Variants in ADGRG7 observed in about 807,000 individuals in gnomAD.
The protein encoded by ADGRG7 is adhesion G protein-coupled receptor G7, also known as G-protein coupled receptor 128.
A neutral mutation model predicts 88.6 loss-of-function variants in ADGRG7; 82 were observed. The observed-to-expected ratio is 0.93, with a 90% CI of 0.77 to 1.11. ADGRG7 has a LOEUF of 1.11. Ranked by LOEUF, ADGRG7 falls within the 50% of genes most tolerant of loss-of-function variation. The pLI, the probability that ADGRG7 is intolerant of heterozygous loss-of-function variation, is 0.00. For synonymous variants in ADGRG7, 381 were observed against 345.2 expected, an observed-to-expected ratio of 1.10 and a Z score of -1.15; for missense variants, 945 against 953.4, an observed-to-expected ratio of 0.99 and a Z score of 0.12.
chr3:100,633,464 A>G (rs766964340), intron 4 of ADGRG7, 87 bp downstream of exon 4: 26 of 567,170 alleles, frequency 4.6e-5, no homozygotes, highest in African/African-American at 9.7e-5. Context: ...TGGTCAAATC[A>G]ATTCTTTTAA....
intron 15 of ADGRG7, among the ~76,000 whole-genome samples, chr3:100,689,680 T>C (rs1317604194): frequency 2.0e-5 from 3 of 152,232 alleles, no homozygotes; most frequent in Non-Finnish European, 4.4e-5. Context: ...AATTCTTTTC[T>C]TTAAGAATGT....
At chr3:100,658,009 T>C (rs2094939942) in intron 13 of ADGRG7, among the ~76,000 whole-genome samples, 1 of 152,186 alleles carries the variant, frequency 6.6e-6, no homozygotes, top group African/African-American at 2.4e-5. Context: ...ATATGTGCCA[T>C]AGCTTCTCAC....
At chr3:100,617,494 T>A (rs1707242330) in intron 1 of ADGRG7, among the ~76,000 whole-genome samples, 1 of 151,966 alleles carries the variant, frequency 6.6e-6, no homozygotes, top group Non-Finnish European at 1.5e-5. Flanking sequence ...CTTGCGATAG[T>A]TTGCTGAGTA....
chr3:100,665,587 A>T (rs1360520943), intron 14 of ADGRG7: 1 of 365,286 alleles, frequency 2.7e-6, no homozygotes, highest in Non-Finnish European at 5.3e-6. Flanking sequence ...TTCTTCCTAT[A>T]TGAACGGTAG....
chr3:100,669,116 G>A lies in ADGRG7; in HGVS notation c.2136+11G>A, dbSNP rs534594530. The A allele has an allele frequency of 6.6e-7, 1 of 1,523,282 alleles. No homozygotes were observed. Among genetic ancestry groups the A allele is most frequent in the Non-Finnish European group, 8.8e-7 (1 of 1,135,368 alleles). The allele number at this position is 1,523,282 out of a possible 1,614,324, so 94.4% of individuals were successfully genotyped here. A position where few individuals can be genotyped will look rare whatever the true frequency, so the allele number is the denominator to read the frequency against. On this transcript the variant is annotated intron_variant, in intron 15 of 15. Coordinates refer to ENST00000273352, the MANE Select transcript of ADGRG7 (RefSeq NM_032787.3). ...TTCAACACTACACAGGTATGGTGCGGATTAGTCTGAAAGTAGCAGAACACG... is the reference window on the plus strand; with the variant it reads ...TTCAACACTACACAGGTATGGTGCGAATTAGTCTGAAAGTAGCAGAACACG...
At chr3:100,667,318 AT>A (rs2094953098) in intron 14 of ADGRG7, among the ~76,000 whole-genome samples, 1 of 152,082 alleles carries the variant, frequency 6.6e-6, no homozygotes, top group South Asian at 2.1e-4. Flanking sequence ...TCCTAATGTT[AT>A]CCCTCCCCTA....
chr3:100,625,879 C>T lies in ADGRG7; in HGVS notation c.116-3719C>T, dbSNP rs141016673. On this transcript the variant is annotated intron_variant, in intron 1 of 15. Transcript: ENST00000273352. Reference sequence around the variant, plus strand: ...CAGCATTGCATCCTAGGGATGAAGCCAACTTGATCGTGGTGGATAAGCTTT... The same window carrying T: ...CAGCATTGCATCCTAGGGATGAAGCTAACTTGATCGTGGTGGATAAGCTTT... 7.0e-3 allele frequency among the ~76,000 whole-genome samples: 1,065 copies of T among 152,208 alleles called. 9 individuals carry two copies. The highest frequency in any genetic ancestry group is 0.013 in the African/African-American group (539 of 41,504).
Position 100,652,068 on chromosome 3 carries a change from C to A in ADGRG7, c.1379+2261C>A, listed in dbSNP as rs1005087150. ...GAAGGGCCAGGCTATTTGAAAATCACCTCTTCTTCCTGTGGATTATAATTG... is the reference window on the plus strand; with the variant it reads ...GAAGGGCCAGGCTATTTGAAAATCAACTCTTCTTCCTGTGGATTATAATTG... On this transcript the variant is annotated intron_variant, in intron 11 of 15. Transcript: ENST00000273352. Among the ~76,000 whole-genome samples the A allele has an allele frequency of 2.6e-5, 4 of 152,148 alleles. No homozygotes were observed. The South Asian group carries it at 8.3e-4, about 32-fold the overall frequency.
intron 15 of ADGRG7, among the ~76,000 whole-genome samples, chr3:100,685,792 GGT>G (rs1452720900): frequency 6.6e-6 from 1 of 152,132 alleles, no homozygotes; most frequent in Non-Finnish European, 1.5e-5. Context: ...CATTTGGGTT[GGT>G]TCCAAGTCTT....
chr3:100,633,802 G>T (rs144288632), intron 4 of ADGRG7, among the ~76,000 whole-genome samples: 1 of 152,104 alleles, frequency 6.6e-6, no homozygotes, highest in African/African-American at 2.4e-5. Context: ...GATTACAGGC[G>T]TAGTAAGTAA....
chr3:100,621,386 A>T (rs2149013447), intron 1 of ADGRG7, among the ~76,000 whole-genome samples: 1 of 152,360 alleles, frequency 6.6e-6, no homozygotes, highest in Non-Finnish European at 1.5e-5. Context: ...AAGTTATTCA[A>T]GGAAATTAAA....
chr3:100,615,712 A>T (rs570119024), intron 1 of ADGRG7, among the ~76,000 whole-genome samples: 12 of 152,314 alleles, frequency 7.9e-5, no homozygotes, highest in South Asian at 2.1e-4. Context: ...AAAATATGAG[A>T]ATAATTCAAA....
At chr3:100,693,421 G>A (rs1271567718) in intron 15 of ADGRG7, among the ~76,000 whole-genome samples, 2 of 152,142 alleles carry the variant, frequency 1.3e-5, no homozygotes, top group Non-Finnish European at 2.9e-5. Context: ...CCTTTCTTCT[G>A]ATGTGTTAGA....
At chr3:100,640,577 A>T (rs963658814) in intron 6 of ADGRG7, among the ~76,000 whole-genome samples, 2 of 151,978 alleles carry the variant, frequency 1.3e-5, no homozygotes, top group Non-Finnish European at 2.9e-5. Flanking sequence ...GCTGGAGTAC[A>T]GTGGCAAGAT....
rs773526403 is a variant in ADGRG7 at position 100,643,419 on chromosome 3, C to A, written c.838+14C>A. 5 of 1,613,460 alleles carry A rather than the reference C, an allele frequency of 3.1e-6. No homozygotes were observed. The South Asian group carries it at 5.5e-5, about 18-fold the overall frequency. ...CTGTGCAGAAAGGTGAGCTGTTAATCTTATGTGCTTGTAACAGCAAAGAGC... is the reference window on the plus strand; with the variant it reads ...CTGTGCAGAAAGGTGAGCTGTTAATATTATGTGCTTGTAACAGCAAAGAGC... On this transcript the variant is annotated intron_variant, in intron 7 of 15. Coordinates refer to ENST00000273352, the MANE Select transcript of ADGRG7 (RefSeq NM_032787.3).
At chr3:100,642,205 T>C (rs1423203980) in intron 6 of ADGRG7, among the ~76,000 whole-genome samples, 1 of 152,308 alleles carries the variant, frequency 6.6e-6, no homozygotes, top group East Asian at 1.9e-4. Flanking sequence ...GACCTCTACA[T>C]AGATACTCAA....
chr3:100,694,317 A>AT (rs2094998622), intron 15 of ADGRG7, among the ~76,000 whole-genome samples: 1 of 152,262 alleles, frequency 6.6e-6, no homozygotes, highest in Middle Eastern at 3.4e-3. Flanking sequence ...AGGGCTTTAC[A>AT]TTTTTTTGTC....
intron 15 of ADGRG7, among the ~76,000 whole-genome samples, chr3:100,685,609 G>A (rs1391700440): frequency 6.6e-6 from 1 of 152,094 alleles, no homozygotes; most frequent in Non-Finnish European, 1.5e-5. Context: ...CCACCTATGA[G>A]TGAGAACATG....
At position 100,689,866 on chromosome 3, in the gene ADGRG7, T is replaced by A. The variant is rs9832721; in HGVS notation, c.2137-4878T>A. Among the ~76,000 whole-genome samples the A allele has an allele frequency of 6.6e-3, 1,006 of 152,284 alleles. 10 individuals are homozygous for A. The highest frequency in any genetic ancestry group is 0.022 in the African/African-American group (911 of 41,542). On this transcript the variant is annotated intron_variant, in intron 15 of 15. Transcript: ENST00000273352. ...CCATTATGTGTCTTGGAGTTGCTCT[T>A]CTCGAGGAGTATCTTTGTGGCGTTC...
Sources: allele counts gnomAD v4.1 joint callset (sites outside exome capture counted in the v4.1 genomes callset), GRCh38; gene constraint gnomAD v4.1.1; transcripts MANE v1.5; gene names NCBI Gene and HGNC (gene_info 2026-07-23, HGNC 2026-07-21).